Variants in APTX observed in about 807,000 individuals in gnomAD.
APTX encodes the protein forkhead-associated domain histidine triad-like protein.
Under a neutral mutation model 42.3 loss-of-function variants are expected in APTX, and 33 were observed. The ratio of observed to expected loss-of-function variants is 0.78; its 90% CI spans 0.59 to 1.04. The LOEUF (loss-of-function observed/expected upper bound fraction) is 1.04, where lower values mean the gene tolerates loss of function less well. Among genes scored for constraint, APTX ranks in the 50% least tolerant of loss-of-function variants. The probability of loss-of-function intolerance (pLI) is 0.00; values close to 1 mark genes in which losing one functional copy is unlikely to be tolerated. For missense variants in APTX, 421 were observed against 415.1 expected (o/e 1.01, Z -0.12); for synonymous variants, 130 against 146.7 (o/e 0.89, Z 0.82).
intron 1 of APTX, among the ~76,000 whole-genome samples, chr9:33,024,505 TCAGA>T (rs1435051865): frequency 1.3e-5 from 2 of 152,150 alleles, no homozygotes; most frequent in African/African-American, 4.8e-5. Flanking sequence ...ATTGTTTTAG[TCAGA>T]CACTCTTGCG....
At chr9:32,984,523 C>G (rs1277135778) in intron 6 of APTX, 108 bp downstream of exon 6, 2 of 1,166,602 alleles carry the variant, frequency 1.7e-6, no homozygotes, top group African/African-American at 3.0e-5. Context: ...AAACTCCATC[C>G]CACTTCCCTG....
chr9:33,011,871 T>C (rs1837566803), intron 1 of APTX, among the ~76,000 whole-genome samples: 1 of 152,214 alleles, frequency 6.6e-6, no homozygotes, highest in Admixed American at 6.5e-5. Context: ...TCCTTACTGC[T>C]AGTCTTTCCA....
chr9:33,012,369 A>C (rs1461488435), intron 1 of APTX, among the ~76,000 whole-genome samples: 1 of 152,180 alleles, frequency 6.6e-6, no homozygotes, highest in Non-Finnish European at 1.5e-5. Context: ...ACTTTAGTAG[A>C]CCTAATTGAT....
At chr9:33,021,674 G>A (rs1645861666) in intron 1 of APTX, among the ~76,000 whole-genome samples, 1 of 151,922 alleles carries the variant, frequency 6.6e-6, no homozygotes, top group Non-Finnish European at 1.5e-5. Context: ...ACAAAAAAAA[G>A]GTTGGGGGGC....
intron 1 of APTX, among the ~76,000 whole-genome samples, chr9:33,017,928 G>GCCCCCCCCCC (rs59841021): frequency 2.8e-5 from 2 of 70,818 alleles, no homozygotes; most frequent in African/African-American, 6.0e-5. Context: ...AGCAACCAGC[G>GCCCCCCCCCC]CCCCCCCCCC....
Position 32,989,617 on chromosome 9 carries a change from T to C in APTX, c.133+142A>G, listed in dbSNP as rs772914203. 4 of 1,232,348 alleles carry C rather than the reference T, an allele frequency of 3.2e-6. No homozygotes were observed. The South Asian group carries it at 4.8e-5, about 15-fold the overall frequency. The allele number at this position is 1,232,348 out of a possible 1,614,324, so 76.3% of individuals were successfully genotyped here. Reference sequence around the variant, plus strand: ...GAATCAGGAATAAATAGGGCCCTGGTGTTGGCTAAAAGAGCTCAGTTCCTG... The same window carrying C: ...GAATCAGGAATAAATAGGGCCCTGGCGTTGGCTAAAAGAGCTCAGTTCCTG... On this transcript the variant is annotated intron_variant, in intron 2 of 7. Coordinates refer to ENST00000379817, the MANE Select transcript of APTX (RefSeq NM_001195248.2).
intron 6 of APTX, among the ~76,000 whole-genome samples, chr9:32,983,681 C>T (rs757782851): frequency 3.9e-5 from 6 of 152,028 alleles, no homozygotes; most frequent in Non-Finnish European, 8.8e-5. Flanking sequence ...CATGCTACAA[C>T]ATGGATAAGA....
chr9:33,012,370 C>A (rs1369910673), intron 1 of APTX, among the ~76,000 whole-genome samples: 1 of 152,140 alleles, frequency 6.6e-6, no homozygotes, highest in Non-Finnish European at 1.5e-5. Flanking sequence ...CTTTAGTAGA[C>A]CTAATTGATT....
chr9:32,979,372 C>T (rs1292172576), intron 6 of APTX, among the ~76,000 whole-genome samples: 5 of 152,316 alleles, frequency 3.3e-5, no homozygotes, highest in Non-Finnish European at 4.4e-5. Context: ...GACATGTTCT[C>T]GTTCTTTTCT....
upstream of APTX, among the ~76,000 whole-genome samples, chr9:33,004,499 G>C (rs1467300024): frequency 6.6e-6 from 1 of 152,124 alleles, no homozygotes; most frequent in Non-Finnish European, 1.5e-5. Flanking sequence ...AAGTGAAACT[G>C]CTGGATTATA....
rs934831774 is a variant in APTX at position 32,974,472 on chromosome 9, A to G, written c.860T>C (p.Phe287Ser). ...ACACTGTTTACCTTGTGATTCTAGG[A>G]AGTATTCTGTATTGAAAGAATTCCA... ...KHWNSFNTEY[F>S]LESQAVIEMV... The change falls in exon 7 of 8, where the codon TTC becomes TCC. Residue 287 changes from phenylalanine (F) to serine (S), a missense_variant. By Grantham distance (155) the Phe-to-Ser change is radical. Coordinates refer to ENST00000379817, the MANE Select transcript of APTX (RefSeq NM_001195248.2). 5 of 1,584,586 alleles carry G rather than the reference A, an allele frequency of 3.2e-6. No individual in the cohort carries two copies. In the African/African-American group the frequency reaches 6.7e-5, roughly 21 times the overall value.
chr9:32,985,723 G>C (rs1197709806), intron 5 of APTX, among the ~76,000 whole-genome samples: 1 of 152,114 alleles, frequency 6.6e-6, no homozygotes, highest in Non-Finnish European at 1.5e-5. Flanking sequence ...TTCCCTTAAA[G>C]TACCCAGAAG....
intron 4 of APTX, 187 bp from the exon 5 acceptor site, chr9:32,986,217 T>A: frequency 1.4e-6 from 1 of 734,086 alleles, no homozygotes; most frequent in South Asian, 1.4e-5. Flanking sequence ...CCTTCCTATA[T>A]TCTCTTTTTT....
At chr9:32,985,880 G>A (rs538313185) in intron 5 of APTX, 91 bp downstream of exon 5, 10 of 1,174,884 alleles carry the variant, frequency 8.5e-6, no homozygotes, top group Middle Eastern at 2.8e-4. Flanking sequence ...CAGAAAGACT[G>A]ATATCCTTTG....
At chr9:33,023,891 T>C (rs1175714478) in intron 1 of APTX, among the ~76,000 whole-genome samples, 2 of 152,256 alleles carry the variant, frequency 1.3e-5, no homozygotes, top group African/African-American at 2.4e-5. Context: ...CCGGCTATTC[T>C]AGCTCCCTTA....
Position 33,006,956 on chromosome 9 carries a change from C to T in APTX, c.-4-17061G>A, listed in dbSNP as rs1188704432. 2.0e-4 allele frequency among the ~76,000 whole-genome samples: 26 copies of T among 131,332 alleles called. No individual in the cohort carries two copies. The Admixed American group carries it at 2.2e-3, about 11-fold the overall frequency. The allele number at this position is 131,332 out of a possible 152,430, so 86.2% of individuals were successfully genotyped here. On this transcript the variant is annotated intron_variant, in intron 1 of 6. Transcript: ENST00000436040. ...CGGAGCTTGCAGTAAGCCTAGATTG[C>T]GCCACTACACTCTAGCCTGGGCGAC...
At chr9:33,006,005 G>A (rs1040965913), upstream of APTX, among the ~76,000 whole-genome samples, 1 of 151,790 alleles carries the variant, frequency 6.6e-6, no homozygotes, top group Non-Finnish European at 1.5e-5. Context: ...AAATCAGGAA[G>A]TATAAGAACT....
In APTX at chr9:33,001,576, T is replaced by G; in HGVS notation, c.-14A>C. 1 of 1,613,866 alleles carries G rather than the reference T, an allele frequency of 6.2e-7. No homozygotes were observed. Among genetic ancestry groups the G allele is most frequent in the Non-Finnish European group, 8.5e-7 (1 of 1,180,006 alleles). On this transcript the variant is annotated 5_prime_UTR_variant, in exon 1 of 8. Transcript: ENST00000379817. ...CTGACGACCGCCTTACCTCCAGAAG[T>G]CGGAGACGGACAAATTCACGTTACT...
At chr9:32,993,343 A>G (rs1834082082) in intron 1 of APTX, among the ~76,000 whole-genome samples, 3 of 152,190 alleles carry the variant, frequency 2.0e-5, no homozygotes, top group Non-Finnish European at 4.4e-5. Context: ...TTAGAAATGG[A>G]GTGTTTTACA....
Sources: gnomAD v4.1 joint callset for allele counts (sites outside exome capture counted in the v4.1 genomes callset) on GRCh38, gnomAD v4.1.1 for gene constraint, MANE v1.5 for transcripts, NCBI Gene and HGNC (gene_info 2026-07-23, HGNC 2026-07-21) for gene names.